NR3C1: variants seen among roughly 807,000 people sequenced by gnomAD.
NR3C1 encodes the protein nuclear receptor subfamily 3 group C member 1, also known as glucocorticoid receptor.
A neutral mutation model predicts 74.0 loss-of-function variants in NR3C1; 14 were observed. That is an observed-to-expected ratio of 0.19 (90% CI 0.12 to 0.30). NR3C1 has a LOEUF of 0.30. NR3C1 is among the 10% of genes least tolerant of loss of function. NR3C1 has a pLI of 1.00. For synonymous variants in NR3C1, 308 were observed against 332.5 expected (o/e 0.93, Z 0.80); for missense variants, 695 against 909.8 (o/e 0.76, Z 3.04).
chr5:143,346,178 T>C (rs1405068167), intron 2 of NR3C1, among the ~76,000 whole-genome samples: 3 of 152,220 alleles, frequency 2.0e-5, no homozygotes, highest in Non-Finnish European at 2.9e-5. Flanking sequence ...CAGCAAGCAA[T>C]TGAGATGATA....
At chr5:143,374,504 A>T (rs377209208) in intron 2 of NR3C1, among the ~76,000 whole-genome samples, 1 of 151,876 alleles carries the variant, frequency 6.6e-6, no homozygotes, top group East Asian at 1.9e-4. Flanking sequence ...AAAAAAAAAA[A>T]CATAGTGAGT....
chr5:143,342,302 T>C (rs755964258), intron 2 of NR3C1, among the ~76,000 whole-genome samples: 21 of 152,178 alleles, frequency 1.4e-4, no homozygotes, highest in Admixed American at 6.5e-5. Context: ...CTTGGTTATT[T>C]TAATCTTGGC....
In NR3C1 at chr5:143,372,762, C is replaced by T. The variant is rs537965428; in HGVS notation, c.1184+26894G>A. Among the ~76,000 whole-genome samples the T allele has an allele frequency of 5.9e-5, 9 of 152,262 alleles. No homozygotes were observed. The South Asian group carries it at 1.2e-3, about 21-fold the overall frequency. On this transcript the variant is annotated intron_variant, in intron 2 of 8. Coordinates refer to ENST00000394464, the MANE Select transcript of NR3C1 (RefSeq NM_000176.3). ...ACAAGTGTCCCTTGTACAGTACAAT[C>T]GTTTAGAAACTTTTTACTGCCATTC...
chr5:143,308,050 G>A (rs537654316), intron 4 of NR3C1, among the ~76,000 whole-genome samples: 7 of 152,300 alleles, frequency 4.6e-5, no homozygotes, highest in Admixed American at 1.3e-4. Context: ...AGAGTTGTGT[G>A]TGTGGTTTGG....
intron 2 of NR3C1, among the ~76,000 whole-genome samples, chr5:143,318,103 T>G (rs577186634): frequency 2.0e-5 from 3 of 152,244 alleles, no homozygotes; most frequent in African/African-American, 7.2e-5. Context: ...AAAGCATTGT[T>G]ACATACTTGG....
At chr5:143,401,986 C>T (rs1479949370) in intron 1 of NR3C1, among the ~76,000 whole-genome samples, 1 of 152,178 alleles carries the variant, frequency 6.6e-6, no homozygotes, top group Non-Finnish European at 1.5e-5. Context: ...GCATTTGGGA[C>T]ACTATAGTCA....
At chr5:143,312,809 T>C (rs1821250673) in intron 3 of NR3C1, among the ~76,000 whole-genome samples, 1 of 152,100 alleles carries the variant, frequency 6.6e-6, no homozygotes, top group Admixed American at 6.5e-5. Context: ...AGGAGTAAAG[T>C]GAGGACACGA....
chr5:143,353,413 T>C (rs1235771599), intron 2 of NR3C1, among the ~76,000 whole-genome samples: 6 of 152,182 alleles, frequency 3.9e-5, no homozygotes, highest in African/African-American at 1.4e-4. Context: ...AGGTTTTTGA[T>C]TTACTTTGCC....
intron 2 of NR3C1, among the ~76,000 whole-genome samples, chr5:143,367,591 G>C (rs1403417980): frequency 6.6e-6 from 1 of 152,132 alleles, no homozygotes; most frequent in Non-Finnish European, 1.5e-5. Context: ...AAAATCAGTT[G>C]CATTACTAAT....
At chr5:143,388,699 T>C (rs1389772422) in intron 2 of NR3C1, among the ~76,000 whole-genome samples, 4 of 152,162 alleles carry the variant, frequency 2.6e-5, no homozygotes, top group African/African-American at 9.6e-5. Context: ...GGAAAGAACA[T>C]TTCAGGTAAA....
chr5:143,359,256 A>C (rs1561664139), intron 2 of NR3C1, among the ~76,000 whole-genome samples: 1 of 152,344 alleles, frequency 6.6e-6, no homozygotes, highest in East Asian at 1.9e-4. Flanking sequence ...GCTCACCAAA[A>C]TCTAGACTGT....
In NR3C1 at chr5:143,295,072, A is replaced by G. The variant is rs1431915103; in HGVS notation, c.2023+388T>C. On this transcript the variant is annotated intron_variant, in intron 7 of 8. Coordinates refer to ENST00000394464, the MANE Select transcript of NR3C1 (RefSeq NM_000176.3). ...GCCTTTTTCTCCCATAATTTCTCATACATGCTAATACTCATTAGGAAACTA... is the reference window on the plus strand; with the variant it reads ...GCCTTTTTCTCCCATAATTTCTCATGCATGCTAATACTCATTAGGAAACTA... 4.1e-6 allele frequency: 4 copies of G among 985,314 alleles called. No homozygotes were observed. The African/African-American group carries it at 7.0e-5, about 17-fold the overall frequency. The allele number at this position is 985,314 out of a possible 1,614,324, so 61.0% of individuals were successfully genotyped here. A position where few individuals can be genotyped will look rare whatever the true frequency, so the allele number is the denominator to read the frequency against.
At chr5:143,340,476 A>ATT (rs3074500) in intron 2 of NR3C1, among the ~76,000 whole-genome samples, 5,974 of 89,116 alleles carry the variant, frequency 0.067, 612 homozygotes, top group African/African-American at 0.15. Flanking sequence ...TTTAAAGATG[A>ATT]TTTTTTTTTT....
intron 2 of NR3C1, among the ~76,000 whole-genome samples, chr5:143,335,212 G>A (rs1826877514): frequency 6.6e-6 from 1 of 152,154 alleles, no homozygotes; most frequent in Admixed American, 6.5e-5. Context: ...GTTGTAGGCT[G>A]GCCCCATTTT....
chr5:143,325,691 A>C (rs1237994534), intron 2 of NR3C1, among the ~76,000 whole-genome samples: 2 of 152,166 alleles, frequency 1.3e-5, no homozygotes, highest in East Asian at 3.8e-4. Flanking sequence ...GTATGTATGT[A>C]TAGGAAAAAC....
At chr5:143,293,783 CAAG>C (rs1816483748) in intron 7 of NR3C1, 1 of 657,366 alleles carries the variant, frequency 1.5e-6, no homozygotes, top group Non-Finnish European at 1.9e-6. Context: ...TATTTTTTAA[CAAG>C]AAGAACTCGT....
chr5:143,345,704 G>A (rs1829161555), intron 2 of NR3C1, among the ~76,000 whole-genome samples: 1 of 152,038 alleles, frequency 6.6e-6, no homozygotes, highest in Non-Finnish European at 1.5e-5. Flanking sequence ...CCATCACTAT[G>A]ATCACTATCA....
chr5:143,365,708 T>C (rs745672511), intron 2 of NR3C1, among the ~76,000 whole-genome samples: 5 of 152,202 alleles, frequency 3.3e-5, no homozygotes, highest in Non-Finnish European at 7.3e-5. Context: ...TACACATTCT[T>C]CTCAAGTGTA....
chr5:143,377,574 G>T (rs1210699039), intron 2 of NR3C1, among the ~76,000 whole-genome samples: 2 of 152,196 alleles, frequency 1.3e-5, no homozygotes, highest in African/African-American at 2.4e-5. Context: ...CTCCTTTGAG[G>T]TCAGAAAAAA....
Sources: gnomAD v4.1 joint callset for allele counts (sites outside exome capture counted in the v4.1 genomes callset) on GRCh38, gnomAD v4.1.1 for gene constraint, MANE v1.5 for transcripts, NCBI Gene and HGNC (gene_info 2026-07-23, HGNC 2026-07-21) for gene names.